The following FUT9 variants were observed in gnomAD, a reference collection of about 807,000 sequenced individuals.
FUT9 encodes 4-galactosyl-N-acetylglucosaminide 3-alpha-L-fucosyltransferase 9.
FUT9 carries 15 observed loss-of-function variants against 29.7 expected under a neutral mutation model. The ratio of observed to expected loss-of-function variants is 0.51; its 90% CI spans 0.34 to 0.78. The LOEUF is 0.78. FUT9 is among the 30% of genes least tolerant of loss of function. The pLI, the probability that FUT9 is intolerant of heterozygous loss-of-function variation, is 0.01. For missense variants in FUT9, 319 were observed against 425.4 expected (o/e 0.75, Z 2.20); for synonymous variants, 169 against 153.7 (o/e 1.10, Z -0.74).
At chr6:96,196,958 A>T (rs992259658) in intron 2 of FUT9, among the ~76,000 whole-genome samples, 1 of 152,088 alleles carries the variant, frequency 6.6e-6, no homozygotes, top group African/African-American at 2.4e-5. Flanking sequence ...TTGGAGGAAA[A>T]GGGTTCTTGT....
chr6:96,196,451 C>T (rs772368151), intron 2 of FUT9, among the ~76,000 whole-genome samples: 5 of 152,078 alleles, frequency 3.3e-5, no homozygotes, highest in Non-Finnish European at 5.9e-5. Flanking sequence ...CAGTGGCTCA[C>T]GCCTGTAACC....
intron 2 of FUT9, among the ~76,000 whole-genome samples, chr6:96,198,163 A>T (rs1284682081): frequency 1.3e-5 from 2 of 151,698 alleles, no homozygotes; most frequent in East Asian, 2.0e-4. Context: ...CATGTGCACA[A>T]TGTGCAGGTT....
At position 96,136,142 on chromosome 6, in the gene FUT9, A is replaced by T. The variant is rs115451903; in HGVS notation, c.-9+22015A>T. ...TCCTACTTGCCTGAGAAATATATTG[A>T]TGGGGTATCAGTGGGCATATTTTAA... On this transcript the variant is annotated intron_variant, in intron 2 of 2. Transcript: ENST00000302103. Among the ~76,000 whole-genome samples the T allele has an allele frequency of 3.2e-3, 493 of 151,746 alleles. 3 individuals carry two copies. Among genetic ancestry groups the T allele is most frequent in the Middle Eastern group, 0.014 (4 of 294 alleles).
intron 2 of FUT9, among the ~76,000 whole-genome samples, chr6:96,178,514 A>G (rs1485114499): frequency 6.6e-6 from 1 of 152,192 alleles, no homozygotes; most frequent in Non-Finnish European, 1.5e-5. Context: ...TACCTCCCAG[A>G]GAAAAATTGT....
intron 2 of FUT9, among the ~76,000 whole-genome samples, chr6:96,167,992 A>G (rs932393138): frequency 6.6e-6 from 1 of 152,180 alleles, no homozygotes; most frequent in African/African-American, 2.4e-5. Flanking sequence ...ATTTCCTGCT[A>G]ATTGGATACA....
chr6:96,165,473 T>C (rs377571109), intron 2 of FUT9, among the ~76,000 whole-genome samples: 11 of 149,354 alleles, frequency 7.4e-5, no homozygotes, highest in African/African-American at 2.5e-4. Context: ...TCTTCAGTTA[T>C]AAAGATAAAA....
At chr6:96,086,079 C>A (rs1302707080) in intron 1 of FUT9, among the ~76,000 whole-genome samples, 10 of 152,130 alleles carry the variant, frequency 6.6e-5, no homozygotes, top group Non-Finnish European at 1.2e-4. Flanking sequence ...GCCATGACAA[C>A]ATCATGAACC....
At chr6:96,105,758 G>C (rs9322667) in intron 1 of FUT9, among the ~76,000 whole-genome samples, 138,855 of 152,180 alleles carry the variant, frequency 0.91, 64,382 homozygotes, top group East Asian at 1. Flanking sequence ...GAGCTGATCT[G>C]TTATTTTTCA....
chr6:96,060,122 C>G (rs1214836451), intron 1 of FUT9, among the ~76,000 whole-genome samples: 2 of 152,092 alleles, frequency 1.3e-5, no homozygotes, highest in African/African-American at 4.8e-5. Context: ...TTGTTCTCAC[C>G]TAATTATCTA....
intron 1 of FUT9, among the ~76,000 whole-genome samples, chr6:96,034,328 A>G (rs1229224083): frequency 6.6e-6 from 1 of 151,646 alleles, no homozygotes; most frequent in Non-Finnish European, 1.5e-5. Flanking sequence ...GTTATGGTTA[A>G]GCACTGTAAC....
chr6:96,184,106 A>G (rs1582292224), intron 2 of FUT9, among the ~76,000 whole-genome samples: 1 of 151,860 alleles, frequency 6.6e-6, no homozygotes, highest in South Asian at 2.1e-4. Flanking sequence ...ATTTTTTATT[A>G]TTACCATTTC....
In FUT9 at chr6:96,212,550, TC is replaced by T; in HGVS notation, c.*8316del. 1 of 401,030 alleles carries T rather than the reference TC, an allele frequency of 2.5e-6. No homozygotes were observed. Among genetic ancestry groups the T allele is most frequent in the Non-Finnish European group, 4.6e-6 (1 of 218,376 alleles). 24.8% of individuals were successfully genotyped at this position (401,030 alleles called of 1,614,324 possible). ...ACTTAGAAGGGAAAAAAAAGAACTT[TC>T]AGCTTAATCGGGGTTAAGGGAGTAA... On this transcript the variant is annotated 3_prime_UTR_variant, in exon 3 of 3. Transcript: ENST00000302103.
chr6:96,147,928 T>C (rs1438772818), intron 2 of FUT9, among the ~76,000 whole-genome samples: 1 of 151,100 alleles, frequency 6.6e-6, no homozygotes, highest in African/African-American at 2.4e-5. Flanking sequence ...TGTTTCTGCA[T>C]CAGAGATAAA....
intron 2 of FUT9, among the ~76,000 whole-genome samples, chr6:96,176,325 A>G (rs1212405136): frequency 6.6e-6 from 1 of 151,592 alleles, no homozygotes; most frequent in Non-Finnish European, 1.5e-5. Context: ...ATGTATTTGA[A>G]ATATTTTATA....
At chr6:96,033,029 G>C (rs1172864852) in intron 1 of FUT9, among the ~76,000 whole-genome samples, 1 of 151,558 alleles carries the variant, frequency 6.6e-6, no homozygotes, top group Non-Finnish European at 1.5e-5. Context: ...TGCTAACCAG[G>C]AAAACAATCC....
intron 1 of FUT9, among the ~76,000 whole-genome samples, chr6:96,093,443 T>C (rs1040874719): frequency 6.6e-6 from 1 of 152,140 alleles, no homozygotes; most frequent in Non-Finnish European, 1.5e-5. Context: ...ATAGATACTA[T>C]GATTGACAGT....
intron 1 of FUT9, among the ~76,000 whole-genome samples, chr6:96,089,831 T>C (rs1771381552): frequency 6.6e-6 from 1 of 152,208 alleles, no homozygotes; most frequent in Non-Finnish European, 1.5e-5. Flanking sequence ...CCATATGGCA[T>C]TGCATTATTA....
rs1773856985 is a variant in FUT9, at chr6:96,207,597, C to A, written c.*3362C>A. On this transcript the variant is annotated 3_prime_UTR_variant, in exon 3 of 3. Transcript: ENST00000302103. ...GTTCACAGCCACTCCTTTAATAAATCCTGTGGGTTGCAATTCTTTGTAAGA... is the reference window on the plus strand; with the variant it reads ...GTTCACAGCCACTCCTTTAATAAATACTGTGGGTTGCAATTCTTTGTAAGA... 6.0e-6 allele frequency: 1 copy of A among 166,864 alleles called. No homozygotes were observed. Among genetic ancestry groups the A allele is most frequent in the African/African-American group, 2.4e-5 (1 of 41,406 alleles). The allele number at this position is 166,864 out of a possible 1,614,324, so 10.3% of individuals were successfully genotyped here.
At chr6:96,053,286 TTAAATC>T (rs1219917731) in intron 1 of FUT9, among the ~76,000 whole-genome samples, 1 of 152,164 alleles carries the variant, frequency 6.6e-6, no homozygotes, top group African/African-American at 2.4e-5. Context: ...TTTAGAAACT[TTAAATC>T]TATTGTATCC....
Sources: allele counts gnomAD v4.1 joint callset (sites outside exome capture counted in the v4.1 genomes callset), GRCh38; gene constraint gnomAD v4.1.1; transcripts MANE v1.5; gene names NCBI Gene and HGNC (gene_info 2026-07-23, HGNC 2026-07-21).